Variants in HERC1 observed in about 807,000 individuals in gnomAD.
The protein encoded by HERC1 is HECT and RLD domain containing E3 ubiquitin protein ligase family member 1, also known as probable E3 ubiquitin-protein ligase HERC1.
In HERC1, 160 loss-of-function variants were observed where a neutral mutation model predicts 554.3. The observed-to-expected ratio is 0.29, with a 90% CI of 0.25 to 0.33. The LOEUF is 0.33. HERC1 is among the 10% of genes least tolerant of loss of function. The probability of loss-of-function intolerance (pLI) is 1.00; values close to 1 mark genes in which losing one functional copy is unlikely to be tolerated. For synonymous variants in HERC1, 2,175 were observed against 2,131.7 expected (o/e 1.02, Z -0.56); for missense variants, 4,919 against 5,918.5 (o/e 0.83, Z 5.54).
intron 69 of HERC1, among the ~76,000 whole-genome samples, chr15:63,629,361 T>C (rs2068446450): frequency 1.3e-5 from 2 of 152,224 alleles, no homozygotes; most frequent in Non-Finnish European, 2.9e-5. Flanking sequence ...TGAGTCTTAA[T>C]GACTAAACAC....
chr15:63,712,918 A>G (rs1596041830), intron 23 of HERC1, 23 bp from the exon 24 acceptor site: 15 of 1,601,562 alleles, frequency 9.4e-6, no homozygotes, highest in African/African-American at 4.0e-5. Context: ...TACAAAAAAA[A>G]AAGTTTTTTG....
intron 25 of HERC1, among the ~76,000 whole-genome samples, chr15:63,700,295 A>C (rs1255507118): frequency 4.6e-5 from 7 of 152,108 alleles, no homozygotes; most frequent in African/African-American, 1.7e-4. Context: ...ATAACATCCT[A>C]TTATGTGAAT....
At chr15:63,752,753 A>G (rs992352398) in intron 8 of HERC1, 1 of 457,338 alleles carries the variant, frequency 2.2e-6, no homozygotes, top group Non-Finnish European at 3.9e-6. Context: ...GGCTCCACTA[A>G]GATTTATCTG....
rs567576862 is a variant in HERC1, at chr15:63,749,216, A to C, written c.2219+151T>G. ...TTCAAATAAAAAGAAATCTAATGTC[A>C]TTTCTATGATAGAGAAAAAGCAATA... On this transcript the variant is annotated intron_variant, in intron 10 of 77. Transcript: ENST00000443617. This position sits in a 1 kb window ranked among gnomAD's most constrained non-coding sequence, Gnocchi z 4.1. 5.5e-5 allele frequency: 32 copies of C among 577,226 alleles called. 1 individual carries two copies. In the South Asian group the frequency reaches 1.1e-3, roughly 20 times the overall value. The allele number at this position is 577,226 out of a possible 1,614,324, so 35.8% of individuals were successfully genotyped here.
At chr15:63,814,861 T>C (rs1240904285) in intron 1 of HERC1, among the ~76,000 whole-genome samples, 2 of 152,252 alleles carry the variant, frequency 1.3e-5, no homozygotes, top group African/African-American at 4.8e-5. Context: ...TCAAAATTGT[T>C]AAGAGGATCA....
Position 63,725,406 on chromosome 15 carries a change from A to G in HERC1, c.3454T>C (p.Cys1152Arg). The G allele has an allele frequency of 6.2e-7, 1 of 1,613,898 alleles. No homozygotes were observed. The highest frequency in any genetic ancestry group is 8.5e-7 in the Non-Finnish European group (1 of 1,179,856). Residue 1152 changes from cysteine to arginine, a missense_variant, in exon 18 of 78, where the codon TGT (cysteine) becomes CGT (arginine). Cys to Arg is a radical substitution (Grantham distance 180, BLOSUM62 -3). Transcript: ENST00000443617. ...ERTIALLIGRCLGGMLQGSPV... is the reference protein window; with the variant it reads ...ERTIALLIGRRLGGMLQGSPV... Reference sequence around the variant, plus strand: ...GAGCCCTGAAGCATGCCACCAAGACACCGCCCAATAAGGAGAGCAATTGTT... The same window carrying G: ...GAGCCCTGAAGCATGCCACCAAGACGCCGCCCAATAAGGAGAGCAATTGTT...
At chr15:63,709,148 A>G (rs1156476250) in intron 24 of HERC1, among the ~76,000 whole-genome samples, 2 of 151,188 alleles carry the variant, frequency 1.3e-5, no homozygotes, top group Non-Finnish European at 2.9e-5. Flanking sequence ...CACAACACCC[A>G]GCTAATATAT....
chr15:63,647,211 G>A (rs934928551), intron 55 of HERC1, among the ~76,000 whole-genome samples: 10 of 151,678 alleles, frequency 6.6e-5, no homozygotes, highest in African/African-American at 2.2e-4. Flanking sequence ...CCAAGATCGC[G>A]CCACTGCACT....
At chr15:63,707,928 CAAAAAAAAAAAAAAAAAA>C (rs71131176) in intron 24 of HERC1, among the ~76,000 whole-genome samples, 1 of 55,162 alleles carries the variant, frequency 1.8e-5, no homozygotes, top group African/African-American at 6.3e-5. Context: ...GACTCCCTCT[CAAAAAAAAAAAAAAAAAA>C]AAAAAAAGAA....
chr15:63,833,641 G>A (rs953270597), intron 1 of HERC1, among the ~76,000 whole-genome samples, 186 bp downstream of exon 1: 21 of 151,800 alleles, frequency 1.4e-4, no homozygotes, highest in Admixed American at 8.5e-4. Flanking sequence ...CGCCAGGAGG[G>A]CTCCCCCAGC....
Position 63,680,467 on chromosome 15 carries a change from C to T in HERC1, c.6465+70G>A, listed in dbSNP as rs1376220977. ...GATAATCTATAAACTGAATACGTGG[C>T]ACTTGAATAACCGAGTTGACTATAA... On this transcript the variant is annotated intron_variant, in intron 35 of 77. Transcript: ENST00000443617. This position sits in a 1 kb window ranked among gnomAD's most constrained non-coding sequence, Gnocchi z 5.8. The T allele has an allele frequency of 6.6e-7, 1 of 1,505,908 alleles. No individual in the cohort carries two copies. The highest frequency in any genetic ancestry group is 1.4e-5 in the African/African-American group (1 of 72,514). The allele number at this position is 1,505,908 out of a possible 1,614,324, so 93.3% of individuals were successfully genotyped here. A position where few individuals can be genotyped will look rare whatever the true frequency, so the allele number is the denominator to read the frequency against.
At chr15:63,819,792 G>GC (rs1237943892) in intron 1 of HERC1, among the ~76,000 whole-genome samples, 2 of 152,084 alleles carry the variant, frequency 1.3e-5, no homozygotes, top group Non-Finnish European at 2.9e-5. Flanking sequence ...TCTATGCTCT[G>GC]CCCCCGCTAG....
At chr15:63,806,367 G>A (rs1407727560) in intron 1 of HERC1, among the ~76,000 whole-genome samples, 1 of 151,960 alleles carries the variant, frequency 6.6e-6, no homozygotes, top group African/African-American at 2.4e-5. Flanking sequence ...CTTCTTCCAT[G>A]AAGCTTTTCA....
At chr15:63,805,568 C>T (rs1249257986) in intron 1 of HERC1, among the ~76,000 whole-genome samples, 4 of 152,162 alleles carry the variant, frequency 2.6e-5, no homozygotes, top group Non-Finnish European at 5.9e-5. Flanking sequence ...GTGGTAGTTA[C>T]ATAACTGTAT....
At chr15:63,782,917 G>A (rs1247044757) in intron 1 of HERC1, among the ~76,000 whole-genome samples, 1 of 152,208 alleles carries the variant, frequency 6.6e-6, no homozygotes, top group Non-Finnish European at 1.5e-5. Context: ...AAGAGAAGTA[G>A]AATTAGAAGT....
rs868263263 is a variant in HERC1, at chr15:63,755,454, T to G, written c.1534-129A>C. 31 of 726,380 alleles carry G rather than the reference T, an allele frequency of 4.3e-5. No homozygotes were observed. The Middle Eastern group carries it at 2.6e-3, about 60-fold the overall frequency. The allele number at this position is 726,380 out of a possible 1,614,324, so 45.0% of individuals were successfully genotyped here. On this transcript the variant is annotated intron_variant, in intron 5 of 77. Coordinates refer to ENST00000443617, the MANE Select transcript of HERC1 (RefSeq NM_003922.4). Reference sequence around the variant, plus strand: ...CCATCCAGGAATTTCCAGGTACAGTTGTGGAGGCTGTGTTCAGGCCAAGGA... The same window carrying G: ...CCATCCAGGAATTTCCAGGTACAGTGGTGGAGGCTGTGTTCAGGCCAAGGA...
chr15:63,768,685 C>A (rs1049112021), intron 2 of HERC1, among the ~76,000 whole-genome samples: 6 of 151,986 alleles, frequency 3.9e-5, no homozygotes, highest in Admixed American at 2.0e-4. Flanking sequence ...TTATGCCTTT[C>A]TACAGTATGG....
At position 63,648,135 on chromosome 15, in the gene HERC1, TCCATCAAAATATC is replaced by T; in HGVS notation, c.10799_10811del (p.Gly3600GlufsTer18). ...GTTCCTTTGTTCCCAGTAACAGTTT[TCCATCAAAATATC>T]CCACTGCAAATGGTCTGTCTTCACT... On this transcript the variant is annotated frameshift_variant, in exon 55 of 78. Coordinates refer to ENST00000443617, the MANE Select transcript of HERC1 (RefSeq NM_003922.4). LOFTEE classifies it high-confidence loss of function. The T allele has an allele frequency of 6.3e-7, 1 of 1,589,290 alleles. No homozygotes were observed. The highest frequency in any genetic ancestry group is 8.6e-7 in the Non-Finnish European group (1 of 1,166,148).
chr15:63,810,177 A>C (rs896420217), intron 1 of HERC1, among the ~76,000 whole-genome samples: 30 of 152,234 alleles, frequency 2.0e-4, no homozygotes, highest in African/African-American at 7.2e-4. Context: ...GTATACATAC[A>C]AAAGAATTAA....
Sources: gnomAD v4.1 joint callset for allele counts (sites outside exome capture counted in the v4.1 genomes callset) on GRCh38, gnomAD v4.1.1 for gene constraint, Gnocchi (gnomAD v3.1) non-coding constraint, MANE v1.5 for transcripts, NCBI Gene and HGNC (gene_info 2026-07-23, HGNC 2026-07-21) for gene names.